Variants in UBE2G1 observed in about 807,000 individuals in gnomAD.
The protein encoded by UBE2G1 is ubiquitin conjugating enzyme E2 G1.
In UBE2G1, 5 loss-of-function variants were observed where a neutral mutation model predicts 22.7. That is an observed-to-expected ratio of 0.22 (90% CI 0.12 to 0.46). UBE2G1 has a LOEUF of 0.46. UBE2G1 is among the 20% of genes least tolerant of loss of function. The pLI, the probability that UBE2G1 is intolerant of heterozygous loss-of-function variation, is 0.99. For missense variants in UBE2G1, 88 were observed against 203.9 expected (o/e 0.43, Z 3.46); for synonymous variants, 74 against 67.5 (o/e 1.10, Z -0.47).
intron 2 of UBE2G1, chr17:4,301,933 T>TA (rs758061926): frequency 1.1e-4 from 54 of 483,092 alleles, no homozygotes; most frequent in Non-Finnish European, 2.1e-4. Flanking sequence ...GGGTCACACT[T>TA]AAGATTGGGG....
At chr17:4,326,658 AAC>A (rs2143769418) in intron 1 of UBE2G1, among the ~76,000 whole-genome samples, 1 of 152,364 alleles carries the variant, frequency 6.6e-6, no homozygotes, top group Admixed American at 6.5e-5. Flanking sequence ...CATTATTCAC[AAC>A]AGTCAAAACG....
intron 2 of UBE2G1, among the ~76,000 whole-genome samples, chr17:4,300,462 G>A (rs899469556): frequency 6.6e-6 from 1 of 151,994 alleles, no homozygotes; most frequent in African/African-American, 2.4e-5. Flanking sequence ...AGAATGGCTT[G>A]AGCCTGGGAG....
At chr17:4,299,059 A>C (rs918033754) in intron 2 of UBE2G1, among the ~76,000 whole-genome samples, 1 of 152,238 alleles carries the variant, frequency 6.6e-6, no homozygotes, top group African/African-American at 2.4e-5. Context: ...ACAGGGCTGC[A>C]AAAGCAATTT....
In UBE2G1 at chr17:4,273,502, A is replaced by C. The variant is rs182749044; in HGVS notation, c.*38-986T>G. ...ACCACAGGCACACACCACCATGCCC[A>C]GATAATTTTTAATTTTTTTTTGTAG... On this transcript the variant is annotated intron_variant, in intron 5 of 5. Coordinates refer to ENST00000396981, the MANE Select transcript of UBE2G1 (RefSeq NM_003342.5). Among the ~76,000 whole-genome samples, 116 of 152,076 alleles carry C rather than the reference A, an allele frequency of 7.6e-4. 3 individuals carry two copies. The East Asian group carries it at 0.016, about 21-fold the overall frequency.
chr17:4,287,890 C>CA lies in UBE2G1; in HGVS notation c.426+1339dup, dbSNP rs1159485854. The stretch of plus-strand genomic sequence containing the variant: ...GGATTTAAAAAGAAAAAAAAAACTG[C>CA]AGGATAGGGGCGTGGCAGCTATAAA... On this transcript the variant is annotated intron_variant, in intron 4 of 5. Coordinates refer to ENST00000396981, the MANE Select transcript of UBE2G1 (RefSeq NM_003342.5). Among the ~76,000 whole-genome samples the CA allele has an allele frequency of 2.0e-5, 3 of 151,750 alleles. No individual in the cohort carries two copies. The East Asian group carries it at 5.8e-4, about 29-fold the overall frequency.
intron 1 of UBE2G1, among the ~76,000 whole-genome samples, chr17:4,324,774 C>T (rs896080736): frequency 6.6e-6 from 1 of 152,022 alleles, no homozygotes; most frequent in Admixed American, 6.6e-5. Context: ...GAATAGGATA[C>T]TCTATTTAAC....
At chr17:4,338,587 T>A (rs1465179130) in intron 1 of UBE2G1, among the ~76,000 whole-genome samples, 2 of 152,224 alleles carry the variant, frequency 1.3e-5, no homozygotes, top group African/African-American at 4.8e-5. Flanking sequence ...CCCAATTCAT[T>A]TCCTAAGCCA....
chr17:4,276,412 G>A (rs1021085059), intron 5 of UBE2G1, among the ~76,000 whole-genome samples: 2 of 151,826 alleles, frequency 1.3e-5, no homozygotes, highest in Non-Finnish European at 2.9e-5. Context: ...ACCGATCTTC[G>A]CCTCCCAAAG....
chr17:4,312,527 T>C (rs1319528303), intron 1 of UBE2G1, among the ~76,000 whole-genome samples: 2 of 151,478 alleles, frequency 1.3e-5, no homozygotes, highest in African/African-American at 2.4e-5. Flanking sequence ...AAACCCCGTC[T>C]CTACTAAAAA....
chr17:4,274,250 T>G (rs1035462209), intron 5 of UBE2G1, among the ~76,000 whole-genome samples: 4 of 128,256 alleles, frequency 3.1e-5, no homozygotes, highest in African/African-American at 9.0e-5. Context: ...CAGGCTGGAG[T>G]GCAGTGGCGC....
chr17:4,297,331 A>G (rs1318520935), intron 2 of UBE2G1, among the ~76,000 whole-genome samples: 2 of 152,154 alleles, frequency 1.3e-5, no homozygotes, highest in Non-Finnish European at 2.9e-5. Context: ...CTCGGCATTT[A>G]TGTGTCAAAC....
intron 1 of UBE2G1, among the ~76,000 whole-genome samples, chr17:4,311,872 G>A (rs948182030): frequency 2.0e-5 from 3 of 152,210 alleles, no homozygotes; most frequent in Non-Finnish European, 4.4e-5. Flanking sequence ...AACATAGGAG[G>A]AGGTTTGTCA....
At chr17:4,282,674 GATA>G (rs1968909335) in intron 5 of UBE2G1, 121 bp downstream of exon 5, 3 of 655,228 alleles carry the variant, frequency 4.6e-6, no homozygotes, top group Non-Finnish European at 7.9e-6. Flanking sequence ...GAGACTACAG[GATA>G]ATACCATTAA....
intron 5 of UBE2G1, among the ~76,000 whole-genome samples, chr17:4,274,690 A>G (rs1968801326): frequency 6.6e-6 from 1 of 152,184 alleles, no homozygotes; most frequent in South Asian, 2.1e-4. Flanking sequence ...AGTAACAAAT[A>G]TATCACCTTC....
chr17:4,314,148 C>G (rs1405754930), intron 1 of UBE2G1, among the ~76,000 whole-genome samples: 1 of 152,104 alleles, frequency 6.6e-6, no homozygotes, highest in East Asian at 1.9e-4. Flanking sequence ...CCAGTAGTGC[C>G]CAGAATATGG....
rs1968757991 is a variant in UBE2G1, at chr17:4,271,383, C to CA, written c.*1170dup. 1 of 152,584 alleles carries CA rather than the reference C, an allele frequency of 6.6e-6. No individual in the cohort carries two copies. The highest frequency in any genetic ancestry group is 1.5e-5 in the Non-Finnish European group (1 of 68,038). The allele number at this position is 152,584 out of a possible 1,614,324, so 9.5% of individuals were successfully genotyped here. On this transcript the variant is annotated 3_prime_UTR_variant, in exon 6 of 6. Coordinates refer to ENST00000396981, the MANE Select transcript of UBE2G1 (RefSeq NM_003342.5). Reference sequence around the variant, plus strand: ...TTTCCTAAACCACTTCTCTGGCACTCAGTATTATAGCCTTCATTCAATACA... The same window carrying CA: ...TTTCCTAAACCACTTCTCTGGCACTCAAGTATTATAGCCTTCATTCAATACA...
chr17:4,315,740 AAAAAAACAAAAAAC>A (rs554899911), intron 1 of UBE2G1, among the ~76,000 whole-genome samples: 8,004 of 146,320 alleles, frequency 0.055, 829 homozygotes, highest in African/African-American at 0.2. Flanking sequence ...ACTCCATCTC[AAAAAAACAAAAAAC>A]AAAAAACAAA....
rs147322729 is a variant in UBE2G1, at chr17:4,300,735, C to T, written c.150-3921G>A. Among the ~76,000 whole-genome samples, 339 of 151,580 alleles carry T rather than the reference C, an allele frequency of 2.2e-3. 4 individuals carry two copies. Among genetic ancestry groups the T allele is most frequent in the East Asian group, 0.018 (91 of 5,150 alleles). On this transcript the variant is annotated intron_variant, in intron 2 of 5. Transcript: ENST00000396981. ...ATCCCAGCACTTTGGGAGGCTGAGG[C>T]GGGTAGATCATGAGGTCAGGAGTTC...
chr17:4,317,914 CACAA>C (rs1054329506), intron 1 of UBE2G1, among the ~76,000 whole-genome samples: 71 of 152,214 alleles, frequency 4.7e-4, no homozygotes, highest in African/African-American at 1.7e-3. Context: ...TATAGTGTCA[CACAA>C]ACAGCTTACT....
Sources: gnomAD v4.1 joint callset for allele counts (sites outside exome capture counted in the v4.1 genomes callset) on GRCh38, gnomAD v4.1.1 for gene constraint, MANE v1.5 for transcripts, NCBI Gene and HGNC (gene_info 2026-07-23, HGNC 2026-07-21) for gene names.